Variants in FHIT observed in about 807,000 individuals in gnomAD.
FHIT encodes fragile histidine triad diadenosine triphosphatase.
A neutral mutation model predicts 17.9 loss-of-function variants in FHIT; 19 were observed. The ratio of observed to expected loss-of-function variants is 1.06; its 90% CI spans 0.74 to 1.56. The LOEUF is 1.56. FHIT is among the 40% of genes most tolerant of loss of function. The pLI, the probability that FHIT is intolerant of heterozygous loss-of-function variation, is 0.00. For missense variants in FHIT, 248 were observed against 189.2 expected (o/e 1.31, Z -1.82); for synonymous variants, 81 against 69.7 (o/e 1.16, Z -0.81).
chr3:60,223,164 T>A (rs568073947), intron 5 of FHIT, among the ~76,000 whole-genome samples: 2 of 152,256 alleles, frequency 1.3e-5, no homozygotes, highest in African/African-American at 2.4e-5. Flanking sequence ...CAGAATGACA[T>A]TGCAGAGTCC....
intron 3 of FHIT, among the ~76,000 whole-genome samples, chr3:60,865,888 A>G (rs1575617091): frequency 6.6e-6 from 1 of 152,140 alleles, no homozygotes; most frequent in Non-Finnish European, 1.5e-5. Flanking sequence ...TAAATTTTCC[A>G]CAGATGGGGT....
At chr3:60,775,110 A>C (rs536722846) in intron 4 of FHIT, among the ~76,000 whole-genome samples, 1 of 152,356 alleles carries the variant, frequency 6.6e-6, no homozygotes, top group South Asian at 2.1e-4. Context: ...TTTTTTAAAA[A>C]AACACATCTA....
At chr3:60,860,431 T>TGTAC (rs1453216688) in intron 3 of FHIT, among the ~76,000 whole-genome samples, 1 of 139,254 alleles carries the variant, frequency 7.2e-6, no homozygotes, top group African/African-American at 2.6e-5. Context: ...ATATGATACA[T>TGTAC]ATATATCATG....
intron 7 of FHIT, among the ~76,000 whole-genome samples, chr3:59,998,151 T>C (rs1699590246): frequency 6.6e-6 from 1 of 152,138 alleles, no homozygotes; most frequent in African/African-American, 2.4e-5. Flanking sequence ...TAAAGTGAGC[T>C]GAAAGATGAG....
intron 5 of FHIT, among the ~76,000 whole-genome samples, chr3:60,129,887 A>G (rs1053631407): frequency 2.6e-5 from 4 of 152,128 alleles, no homozygotes; most frequent in Non-Finnish European, 4.4e-5. Flanking sequence ...TTAGATTTCC[A>G]TTCAAAAATC....
intron 8 of FHIT, among the ~76,000 whole-genome samples, chr3:59,832,027 T>G (rs1303257571): frequency 6.6e-6 from 1 of 152,092 alleles, no homozygotes; most frequent in Admixed American, 6.6e-5. Context: ...TCCCTGCACC[T>G]GAGTAAATTA....
chr3:60,598,030 G>A (rs1269526305), intron 4 of FHIT, among the ~76,000 whole-genome samples: 2 of 152,124 alleles, frequency 1.3e-5, no homozygotes, highest in Non-Finnish European at 2.9e-5. Flanking sequence ...TTGAGCGAAG[G>A]AGGTTTAGAT....
intron 1 of FHIT, among the ~76,000 whole-genome samples, chr3:61,216,805 T>C (rs1300320738): frequency 1.3e-5 from 2 of 152,164 alleles, no homozygotes; most frequent in Admixed American, 1.3e-4. Context: ...CATGGAATAC[T>C]ATGCATCCAT....
At chr3:61,227,783 T>C (rs1307755874) in intron 1 of FHIT, among the ~76,000 whole-genome samples, 2 of 152,204 alleles carry the variant, frequency 1.3e-5, no homozygotes, top group African/African-American at 4.8e-5. Context: ...ACCGGATATA[T>C]TCATGAGTAT....
intron 8 of FHIT, among the ~76,000 whole-genome samples, chr3:59,850,694 C>G (rs1298643684): frequency 6.6e-6 from 1 of 152,180 alleles, no homozygotes; most frequent in African/African-American, 2.4e-5. Flanking sequence ...CTTCTCAGCT[C>G]CTGCACTCAA....
intron 8 of FHIT, among the ~76,000 whole-genome samples, chr3:59,809,409 A>G (rs1008874801): frequency 1.3e-5 from 2 of 152,250 alleles, no homozygotes; most frequent in African/African-American, 4.8e-5. Context: ...GATTCTGCTG[A>G]CACTTTAGTT....
At chr3:60,823,025 G>A (rs1332587613) in intron 3 of FHIT, among the ~76,000 whole-genome samples, 2 of 152,100 alleles carry the variant, frequency 1.3e-5, no homozygotes, top group Non-Finnish European at 2.9e-5. Flanking sequence ...TCTACATCAT[G>A]TTACATGGTC....
At chr3:60,861,002 CATATATATGATACATATATACGTATATCA>C in intron 3 of FHIT, among the ~76,000 whole-genome samples, 1 of 80,340 alleles carries the variant, frequency 1.2e-5, no homozygotes, top group East Asian at 2.8e-4. Context: ...CGTATATATC[CATATATATGATACATATATACGTATATCA>C]TGTATATATG....
At chr3:60,114,627 G>A (rs1167879013) in intron 5 of FHIT, among the ~76,000 whole-genome samples, 3 of 150,888 alleles carry the variant, frequency 2.0e-5, no homozygotes, top group Non-Finnish European at 4.4e-5. Context: ...CTGAGCAGCT[G>A]GGACTACAGG....
intron 2 of FHIT, among the ~76,000 whole-genome samples, chr3:61,053,745 G>T (rs1049197152): frequency 1.3e-5 from 2 of 152,002 alleles, no homozygotes; most frequent in Non-Finnish European, 2.9e-5. Context: ...TGAGTTGATG[G>T]GTCAAACCCA....
intron 3 of FHIT, among the ~76,000 whole-genome samples, chr3:61,022,241 T>C (rs1401035038): frequency 2.6e-5 from 4 of 152,072 alleles, no homozygotes; most frequent in Non-Finnish European, 4.4e-5. Context: ...CTAGAAAATA[T>C]AGAAGAAATG....
chr3:60,124,041 G>GAGAGAGAGAGAGAGAGAC (rs1705417901), intron 5 of FHIT, among the ~76,000 whole-genome samples: 48 of 47,622 alleles, frequency 1.0e-3, no homozygotes, highest in African/African-American at 1.9e-3. Context: ...GAGAGAGAGA[G>GAGAGAGAGAGAGAGAGAC]AGAGAGAGAG....
intron 4 of FHIT, among the ~76,000 whole-genome samples, chr3:60,720,060 C>G (rs369080828): frequency 4.6e-5 from 7 of 152,168 alleles, no homozygotes; most frequent in African/African-American, 1.4e-4. Context: ...AGAACTACAA[C>G]CTCTGTTGAG....
At chr3:60,633,881 ACC>A (rs1172752597) in intron 4 of FHIT, among the ~76,000 whole-genome samples, 7 of 152,172 alleles carry the variant, frequency 4.6e-5, no homozygotes, top group Non-Finnish European at 2.9e-5. Context: ...AAGGTTTCAG[ACC>A]CACGGTGGTG....
Sources: gnomAD v4.1 joint callset for allele counts (sites outside exome capture counted in the v4.1 genomes callset) on GRCh38, gnomAD v4.1.1 for gene constraint, MANE v1.5 for transcripts, NCBI Gene and HGNC (gene_info 2026-07-23, HGNC 2026-07-21) for gene names.